Variants in MBOAT1 observed in about 807,000 individuals in gnomAD.
MBOAT1 encodes the protein membrane bound glycerophospholipid O-acyltransferase 1.
In MBOAT1, 67 loss-of-function variants were observed where a neutral mutation model predicts 64.4. That is an observed-to-expected ratio of 1.04 (90% confidence interval 0.85 to 1.27). The LOEUF (loss-of-function observed/expected upper bound fraction) is 1.27. MBOAT1 is among the 50% of genes most tolerant of loss of function. The pLI, the probability that MBOAT1 is intolerant of heterozygous loss-of-function variation, is 0.00. For missense variants in MBOAT1, 563 were observed against 604.6 expected (o/e 0.93, Z 0.72); for synonymous variants, 229 against 218.9 (o/e 1.05, Z -0.41).
chr6:20,130,681 C>A (rs568233299), intron 5 of MBOAT1, among the ~76,000 whole-genome samples: 1 of 150,736 alleles, frequency 6.6e-6, no homozygotes, highest in African/African-American at 2.5e-5. Context: ...AGGGAATTAT[C>A]ATTAGATAAT....
At chr6:20,137,264 T>G (rs1293065963) in intron 4 of MBOAT1, among the ~76,000 whole-genome samples, 1 of 152,144 alleles carries the variant, frequency 6.6e-6, no homozygotes, top group East Asian at 1.9e-4. Context: ...TGTGGGCAAA[T>G]CAACCTGCAA....
intron 1 of MBOAT1, among the ~76,000 whole-genome samples, chr6:20,164,205 A>AC (rs1491365707): frequency 2.0e-4 from 28 of 142,076 alleles, no homozygotes; most frequent in Non-Finnish European, 4.2e-4. Flanking sequence ...ACACACACAC[A>AC]AACACACCCC....
intron 1 of MBOAT1, among the ~76,000 whole-genome samples, chr6:20,183,510 C>T (rs535464920): frequency 6.6e-6 from 1 of 152,342 alleles, no homozygotes; most frequent in African/African-American, 2.4e-5. Context: ...AAAGCAATGG[C>T]TATCCAACAT....
At chr6:20,118,939 A>C (rs895549904) in intron 8 of MBOAT1, among the ~76,000 whole-genome samples, 2 of 152,200 alleles carry the variant, frequency 1.3e-5, no homozygotes, top group African/African-American at 4.8e-5. Flanking sequence ...ATACAGAGAC[A>C]AGAAGAAACA....
intron 7 of MBOAT1, 117 bp downstream of exon 7, chr6:20,126,400 T>C: frequency 2.3e-6 from 2 of 859,382 alleles, no homozygotes; most frequent in Non-Finnish European, 3.6e-6. Context: ...TTTAAATAAA[T>C]GAGAAAAGTT....
At chr6:20,111,883 T>TATATATAC (rs1760180459) in intron 11 of MBOAT1, among the ~76,000 whole-genome samples, 1 of 140,228 alleles carries the variant, frequency 7.1e-6, no homozygotes, top group African/African-American at 2.7e-5. Context: ...TATATATGTA[T>TATATATAC]ATATATATAT....
At chr6:20,152,476 CA>C in intron 2 of MBOAT1, 147 bp downstream of exon 2, 1 of 737,196 alleles carries the variant, frequency 1.4e-6, no homozygotes, top group Non-Finnish European at 2.0e-6. Context: ...GCAATGTCCT[CA>C]TTATCCTACT....
intron 3 of MBOAT1, among the ~76,000 whole-genome samples, chr6:20,147,116 C>T (rs1434914334): frequency 2.0e-5 from 3 of 152,200 alleles, no homozygotes; most frequent in Non-Finnish European, 4.4e-5. Context: ...TAAGACATGC[C>T]TTTTGCCTTC....
At chr6:20,184,596 C>G (rs949257891) in intron 1 of MBOAT1, among the ~76,000 whole-genome samples, 6 of 152,092 alleles carry the variant, frequency 3.9e-5, no homozygotes, top group Admixed American at 1.3e-4. Context: ...CTCCCCACAA[C>G]CATCCTCCGC....
At chr6:20,186,563 G>T (rs779379130) in intron 1 of MBOAT1, among the ~76,000 whole-genome samples, 32 of 152,232 alleles carry the variant, frequency 2.1e-4, no homozygotes, top group Admixed American at 2.0e-3. Context: ...GGGCTAGTAG[G>T]TCTCTGAATC....
rs903386107 is a variant in MBOAT1 at position 20,158,489 on chromosome 6, G to A, written c.100-5720C>T. On this transcript the variant is annotated intron_variant, in intron 1 of 12. Transcript: ENST00000324607. ...AAAACTGCTAGAAGAAAACATAGGC[G>A]AAAACTACATGACACAGGACACTGG... 3.3e-5 allele frequency among the ~76,000 whole-genome samples: 5 copies of A among 152,198 alleles called. No individual in the cohort carries two copies. In the East Asian group the frequency reaches 5.8e-4, roughly 18 times the overall value.
At chr6:20,196,762 G>A (rs575082710) in intron 1 of MBOAT1, among the ~76,000 whole-genome samples, 8 of 152,046 alleles carry the variant, frequency 5.3e-5, no homozygotes, top group Non-Finnish European at 1.2e-4. Context: ...TTGGGAGGCT[G>A]AGGCAGGAGA....
chr6:20,131,814 G>C (rs1760838227), intron 4 of MBOAT1, among the ~76,000 whole-genome samples: 1 of 152,134 alleles, frequency 6.6e-6, no homozygotes, highest in Non-Finnish European at 1.5e-5. Flanking sequence ...GCCATTACTT[G>C]GTGTAGCTCC....
chr6:20,101,853 C>A lies in MBOAT1; in HGVS notation c.*433G>T, dbSNP rs892333832. 6.6e-6 allele frequency among the ~76,000 whole-genome samples: 1 copy of A among 152,034 alleles called. No individual in the cohort carries two copies. The highest frequency in any genetic ancestry group is 2.4e-5 in the African/African-American group (1 of 41,398). ...ACTCCCGGCCGGGCGCGGTGGCTCA[C>A]GCCTGTAATCCCAGCACTTTGGGAG... On this transcript the variant is annotated 3_prime_UTR_variant, in exon 13 of 13. Transcript: ENST00000324607.
intron 1 of MBOAT1, among the ~76,000 whole-genome samples, chr6:20,173,866 G>T (rs547780783): frequency 6.6e-6 from 1 of 152,340 alleles, no homozygotes; most frequent in South Asian, 2.1e-4. Context: ...CAGGAAAATT[G>T]CTTGAACCAG....
intron 4 of MBOAT1, among the ~76,000 whole-genome samples, chr6:20,135,021 A>C (rs1035162739): frequency 1.3e-5 from 2 of 151,536 alleles, no homozygotes; most frequent in African/African-American, 4.9e-5. Flanking sequence ...ATGCAGCCCC[A>C]ACAATTTCCT....
chr6:20,104,916 C>G (rs1162425678), intron 12 of MBOAT1, among the ~76,000 whole-genome samples: 1 of 152,220 alleles, frequency 6.6e-6, no homozygotes, highest in Non-Finnish European at 1.5e-5. Context: ...AAGGCATCAG[C>G]CTCCACCCCT....
chr6:20,133,040 T>A (rs956993716), intron 4 of MBOAT1, among the ~76,000 whole-genome samples: 3 of 152,234 alleles, frequency 2.0e-5, no homozygotes, highest in African/African-American at 7.2e-5. Flanking sequence ...TAAACTATTT[T>A]AAAGAAAGTA....
At chr6:20,106,572 G>A (rs1010352365) in intron 12 of MBOAT1, among the ~76,000 whole-genome samples, 3 of 152,134 alleles carry the variant, frequency 2.0e-5, no homozygotes, top group African/African-American at 7.2e-5. Context: ...ACAGGCACAT[G>A]CCACCATGCC....
Sources: allele counts gnomAD v4.1 joint callset (sites outside exome capture counted in the v4.1 genomes callset), GRCh38; gene constraint gnomAD v4.1.1; transcripts MANE v1.5; gene names NCBI Gene and HGNC (gene_info 2026-07-23, HGNC 2026-07-21).